The following CSMD1 variants were observed in gnomAD, a reference collection of about 807,000 sequenced individuals.
CSMD1 encodes the protein CUB and Sushi multiple domains 1.
A neutral mutation model predicts 417.5 loss-of-function variants in CSMD1; 213 were observed. The ratio of observed to expected loss-of-function variants is 0.51; its 90% CI spans 0.46 to 0.57. The LOEUF (loss-of-function observed/expected upper bound fraction) is 0.57, where lower values mean the gene tolerates loss of function less well. Among genes scored for constraint, CSMD1 ranks in the 20% least tolerant of loss-of-function variants. The probability of loss-of-function intolerance (pLI) is 0.00; values close to 1 mark genes in which losing one functional copy is unlikely to be tolerated. For missense variants in CSMD1, 6,923 were observed against 4,529.7 expected (o/e 1.53, Z -15.17); for synonymous variants, 2,862 against 1,736.8 (o/e 1.65, Z -16.11).
intron 2 of CSMD1, among the ~76,000 whole-genome samples, chr8:4,618,573 C>G (rs186434019): frequency 3.9e-4 from 60 of 152,046 alleles, no homozygotes; most frequent in South Asian, 2.9e-3. Flanking sequence ...ATAGCCTTCT[C>G]CTGGATCCAA....
intron 2 of CSMD1, among the ~76,000 whole-genome samples, chr8:4,422,149 C>T (rs927038114): frequency 1.3e-5 from 2 of 152,058 alleles, no homozygotes; most frequent in Non-Finnish European, 2.9e-5. Flanking sequence ...CCCAAATTTC[C>T]AGTTCCAAAT....
At chr8:3,404,424 T>C (rs1812227800) in intron 15 of CSMD1, among the ~76,000 whole-genome samples, 1 of 150,978 alleles carries the variant, frequency 6.6e-6, no homozygotes, top group Non-Finnish European at 1.5e-5. Context: ...GATGAGGTGG[T>C]GAAGGATCAT....
intron 7 of CSMD1, among the ~76,000 whole-genome samples, chr8:3,649,986 A>T (rs1240574364): frequency 6.6e-6 from 1 of 152,202 alleles, no homozygotes; most frequent in Non-Finnish European, 1.5e-5. Flanking sequence ...GGTTAAAAAA[A>T]TGATAAATGA....
chr8:3,792,588 T>A (rs1042111526), intron 5 of CSMD1, among the ~76,000 whole-genome samples: 2 of 152,154 alleles, frequency 1.3e-5, no homozygotes, highest in East Asian at 3.9e-4. Context: ...AGCTCCCACA[T>A]ACCTTCCTCT....
intron 3 of CSMD1, among the ~76,000 whole-genome samples, chr8:4,047,846 G>T (rs949172176): frequency 1.3e-5 from 2 of 152,068 alleles, no homozygotes; most frequent in South Asian, 4.1e-4. Context: ...AAAAAAATAT[G>T]AAGTAGAGGA....
At chr8:4,439,995 G>T (rs1270465114) in intron 2 of CSMD1, among the ~76,000 whole-genome samples, 3 of 152,096 alleles carry the variant, frequency 2.0e-5, no homozygotes, top group African/African-American at 7.2e-5. Context: ...CCTAGACATG[G>T]GGGGTATACA....
intron 18 of CSMD1, 114 bp from the exon 19 acceptor site, chr8:3,369,484 T>C (rs1356193982): frequency 1.6e-6 from 1 of 615,208 alleles, no homozygotes; most frequent in Non-Finnish European, 2.9e-6. Context: ...TTTAATGTCA[T>C]ATCCAAGAAA....
At chr8:3,365,632 T>C (rs1376053057) in intron 20 of CSMD1, among the ~76,000 whole-genome samples, 1 of 152,228 alleles carries the variant, frequency 6.6e-6, no homozygotes, top group African/African-American at 2.4e-5. Flanking sequence ...ATGTTAGGTA[T>C]ATCATGAAAG....
At chr8:4,445,468 T>C (rs1409171147) in intron 2 of CSMD1, among the ~76,000 whole-genome samples, 4 of 152,210 alleles carry the variant, frequency 2.6e-5, no homozygotes, top group African/African-American at 9.6e-5. Context: ...AGTGAGTCAC[T>C]TAAGAAAGTC....
At chr8:3,069,427 T>C (rs1197956857) in intron 49 of CSMD1, among the ~76,000 whole-genome samples, 1 of 149,626 alleles carries the variant, frequency 6.7e-6, no homozygotes, top group Non-Finnish European at 1.5e-5. Context: ...AGAGTGAGAC[T>C]CTGTCTGAAA....
intron 8 of CSMD1, among the ~76,000 whole-genome samples, chr8:3,612,290 C>A (rs1469392534): frequency 6.6e-6 from 1 of 152,062 alleles, no homozygotes; most frequent in Non-Finnish European, 1.5e-5. Flanking sequence ...AATTACAGAG[C>A]TTCAAAATAC....
chr8:3,960,263 C>G (rs1317927339), intron 5 of CSMD1, among the ~76,000 whole-genome samples: 1 of 152,146 alleles, frequency 6.6e-6, no homozygotes, highest in Non-Finnish European at 1.5e-5. Context: ...AACAGCAAAT[C>G]CTAAGTGCCA....
intron 3 of CSMD1, among the ~76,000 whole-genome samples, chr8:4,287,302 T>G (rs1797113260): frequency 6.6e-6 from 1 of 152,186 alleles, no homozygotes; most frequent in Non-Finnish European, 1.5e-5. Context: ...CTCTTTATTT[T>G]CAGATAAATC....
intron 3 of CSMD1, among the ~76,000 whole-genome samples, chr8:4,033,324 C>T (rs1399101322): frequency 1.3e-5 from 2 of 151,900 alleles, no homozygotes; most frequent in Admixed American, 1.3e-4. Context: ...CACCTGTAGT[C>T]CCAGCTACTT....
chr8:4,420,424 T>C (rs1183209882), intron 2 of CSMD1, among the ~76,000 whole-genome samples: 2 of 152,080 alleles, frequency 1.3e-5, no homozygotes. Flanking sequence ...TGTGCAGGTT[T>C]ATTAGGTAGG....
intron 3 of CSMD1, among the ~76,000 whole-genome samples, chr8:4,064,888 C>T (rs1799165499): frequency 6.6e-6 from 1 of 151,596 alleles, no homozygotes; most frequent in East Asian, 2.0e-4. Flanking sequence ...CATGGGTTTC[C>T]TCACAAAGTG....
chr8:4,684,179 A>G (rs951824672), intron 1 of CSMD1, among the ~76,000 whole-genome samples: 1 of 152,260 alleles, frequency 6.6e-6, no homozygotes, highest in Non-Finnish European at 1.5e-5. Flanking sequence ...CTTAAATACC[A>G]TAAGGTTATT....
chr8:3,906,863 A>C (rs893086860), intron 5 of CSMD1, among the ~76,000 whole-genome samples: 1 of 149,758 alleles, frequency 6.7e-6, no homozygotes, highest in Non-Finnish European at 1.5e-5. Context: ...TACATAAAGT[A>C]AAAGTATTAG....
intron 3 of CSMD1, among the ~76,000 whole-genome samples, chr8:4,134,256 T>C (rs948910594): frequency 7.2e-5 from 11 of 152,324 alleles, no homozygotes; most frequent in Middle Eastern, 3.4e-3. Flanking sequence ...ATATATTAAA[T>C]GCCATTGCCA....
Sources: allele counts gnomAD v4.1 joint callset (sites outside exome capture counted in the v4.1 genomes callset), GRCh38; gene constraint gnomAD v4.1.1; transcripts MANE v1.5; gene names NCBI Gene and HGNC (gene_info 2026-07-23, HGNC 2026-07-21).